The following PLCL1 variants were observed in gnomAD, a reference collection of about 807,000 sequenced individuals.
PLCL1 encodes the protein inactive phospholipase C-like protein 1.
In PLCL1, 41 loss-of-function variants were observed where a neutral mutation model predicts 84.4. The ratio of observed to expected loss-of-function variants is 0.49; its 90% CI spans 0.38 to 0.63. The LOEUF (loss-of-function observed/expected upper bound fraction) is 0.63, where lower values mean the gene tolerates loss of function less well. Among genes scored for constraint, PLCL1 ranks in the 30% least tolerant of loss-of-function variants. The pLI, the probability that PLCL1 is intolerant of heterozygous loss-of-function variation, is 0.00. For missense variants in PLCL1, 1,206 were observed against 1,367.8 expected, an observed-to-expected ratio of 0.88 and a Z score of 1.87; for synonymous variants, 490 against 488.3, an observed-to-expected ratio of 1.00 and a Z score of -0.05.
intron 1 of PLCL1, among the ~76,000 whole-genome samples, chr2:197,839,640 A>G (rs1686950865): frequency 6.6e-6 from 1 of 152,164 alleles, no homozygotes; most frequent in African/African-American, 2.4e-5. Context: ...CCCTCTTCTA[A>G]ATAATAATTC....
At chr2:197,978,447 C>A (rs546167605) in intron 1 of PLCL1, among the ~76,000 whole-genome samples, 1 of 152,296 alleles carries the variant, frequency 6.6e-6, no homozygotes, top group South Asian at 2.1e-4. Flanking sequence ...CACTGCACTC[C>A]AGCCTGGTCG....
intron 5 of PLCL1, among the ~76,000 whole-genome samples, chr2:198,134,612 G>A (rs1217218992): frequency 1.3e-5 from 2 of 152,114 alleles, no homozygotes; most frequent in East Asian, 3.9e-4. Flanking sequence ...TCTCAAAGAG[G>A]ACAATTTCAG....
At position 198,007,938 on chromosome 2, in the gene PLCL1, G is replaced by A. The variant is rs575850402; in HGVS notation, c.241-75820G>A. On this transcript the variant is annotated intron_variant, in intron 1 of 5. Coordinates refer to ENST00000428675, the MANE Select transcript of PLCL1 (RefSeq NM_006226.4). ...CTAGGCTAATACATTCATTGAAAGC[G>A]AGTACTAATAATTATTTCTAAGCCT... Among the ~76,000 whole-genome samples, 12 of 152,174 alleles carry A rather than the reference G, an allele frequency of 7.9e-5. No individual in the cohort carries two copies. In the South Asian group the frequency reaches 1.9e-3, roughly 24 times the overall value.
At chr2:197,853,543 G>T (rs559428124) in intron 1 of PLCL1, among the ~76,000 whole-genome samples, 12 of 152,266 alleles carry the variant, frequency 7.9e-5, no homozygotes, top group African/African-American at 2.9e-4. Context: ...GGCTATCAGG[G>T]TTAGAGATAA....
At chr2:198,138,759 T>C (rs1032201713) in intron 5 of PLCL1, among the ~76,000 whole-genome samples, 1 of 152,192 alleles carries the variant, frequency 6.6e-6, no homozygotes, top group Admixed American at 6.5e-5. Flanking sequence ...GATACCTTAT[T>C]TTTTATTATT....
At chr2:197,809,743 G>A (rs922263286) in intron 1 of PLCL1, among the ~76,000 whole-genome samples, 5 of 151,974 alleles carry the variant, frequency 3.3e-5, no homozygotes, top group African/African-American at 7.3e-5. Flanking sequence ...AAATACCTGG[G>A]TCATAGGAAT....
At chr2:198,059,305 A>G (rs1443971096) in intron 1 of PLCL1, among the ~76,000 whole-genome samples, 1 of 152,226 alleles carries the variant, frequency 6.6e-6, no homozygotes, top group Non-Finnish European at 1.5e-5. Flanking sequence ...AGCATATAAA[A>G]AGAAATCAAA....
chr2:197,835,808 CTTATT>C (rs1346926738), intron 1 of PLCL1, among the ~76,000 whole-genome samples: 17 of 152,106 alleles, frequency 1.1e-4, no homozygotes, highest in East Asian at 3.8e-4. Context: ...TCAAAGTATT[CTTATT>C]TTATTTTATT....
intron 1 of PLCL1, among the ~76,000 whole-genome samples, chr2:197,822,123 T>A (rs1397760934): frequency 6.6e-6 from 1 of 152,106 alleles, no homozygotes; most frequent in African/African-American, 2.4e-5. Context: ...AAGAACAACT[T>A]AGGATGCCTT....
At chr2:198,025,844 G>A (rs1441488219) in intron 1 of PLCL1, among the ~76,000 whole-genome samples, 1 of 151,978 alleles carries the variant, frequency 6.6e-6, no homozygotes, top group Non-Finnish European at 1.5e-5. Context: ...TACCTTTTCT[G>A]AAAATCTTAA....
chr2:197,934,857 G>C (rs978674710), intron 1 of PLCL1, among the ~76,000 whole-genome samples: 2 of 152,028 alleles, frequency 1.3e-5, no homozygotes, highest in Non-Finnish European at 2.9e-5. Context: ...ACAACCTATA[G>C]AATAGGAGAA....
chr2:197,809,786 G>C (rs1448599592), intron 1 of PLCL1, among the ~76,000 whole-genome samples: 1 of 148,312 alleles, frequency 6.7e-6, no homozygotes, highest in Non-Finnish European at 1.5e-5. Context: ...GGAAATGGGG[G>C]AATCTTCTTT....
intron 1 of PLCL1, among the ~76,000 whole-genome samples, chr2:197,975,317 T>C (rs1689957097): frequency 6.6e-6 from 1 of 152,100 alleles, no homozygotes; most frequent in African/African-American, 2.4e-5. Flanking sequence ...AACAGAAGCT[T>C]AAGGTGACAT....
chr2:197,979,900 A>G (rs1690068661), intron 1 of PLCL1, among the ~76,000 whole-genome samples: 1 of 152,142 alleles, frequency 6.6e-6, no homozygotes, highest in Non-Finnish European at 1.5e-5. Context: ...TTCCTATACC[A>G]TTCATTCACT....
chr2:197,859,707 T>A (rs1233553803), intron 1 of PLCL1, among the ~76,000 whole-genome samples: 1 of 152,194 alleles, frequency 6.6e-6, no homozygotes, highest in Non-Finnish European at 1.5e-5. Context: ...TGTGTTATGA[T>A]TGTTATAGTA....
intron 5 of PLCL1, among the ~76,000 whole-genome samples, chr2:198,141,938 A>T (rs763466119): frequency 1.3e-5 from 2 of 152,112 alleles, no homozygotes. Context: ...AGCTGCTTTA[A>T]ATATTTGTGG....
At chr2:197,912,942 A>G (rs1344754122) in intron 1 of PLCL1, among the ~76,000 whole-genome samples, 1 of 130,268 alleles carries the variant, frequency 7.7e-6, no homozygotes, top group African/African-American at 2.6e-5. Flanking sequence ...CCTAAAACTT[A>G]CAGTATAATA....
At chr2:198,060,349 G>A (rs534259098) in intron 1 of PLCL1, among the ~76,000 whole-genome samples, 2 of 152,320 alleles carry the variant, frequency 1.3e-5, no homozygotes, top group African/African-American at 4.8e-5. Flanking sequence ...TTATCAGTGA[G>A]TTGAAGTTGT....
intron 1 of PLCL1, among the ~76,000 whole-genome samples, chr2:197,927,834 T>C (rs1208655507): frequency 6.6e-6 from 1 of 152,178 alleles, no homozygotes; most frequent in African/African-American, 2.4e-5. Context: ...ATATTGTTTC[T>C]CAGGAATAAC....
Sources: allele counts gnomAD v4.1 joint callset (sites outside exome capture counted in the v4.1 genomes callset), GRCh38; gene constraint gnomAD v4.1.1; transcripts MANE v1.5; gene names NCBI Gene and HGNC (gene_info 2026-07-23, HGNC 2026-07-21).